HMG20A: variants seen among roughly 807,000 people sequenced by gnomAD.
The protein encoded by HMG20A is high mobility group 20A.
Under a neutral mutation model 43.9 loss-of-function variants are expected in HMG20A, and 17 were observed. The ratio of observed to expected loss-of-function variants is 0.39; its 90% CI spans 0.27 to 0.58. HMG20A has a LOEUF of 0.58. Among genes scored for constraint, HMG20A ranks in the 20% least tolerant of loss-of-function variants. The pLI is 0.59. For synonymous variants in HMG20A, 132 were observed against 147.5 expected (o/e 0.89, Z 0.76); for missense variants, 341 against 438.2 (o/e 0.78, Z 1.98).
intron 1 of HMG20A, among the ~76,000 whole-genome samples, chr15:77,445,032 T>C (rs547239594): frequency 2.0e-5 from 3 of 151,512 alleles, no homozygotes; most frequent in South Asian, 4.1e-4. Flanking sequence ...AAAATTTAAT[T>C]TGTAAGTCAG....
At chr15:77,487,627 T>C (rs1005885442), downstream of HMG20A, among the ~76,000 whole-genome samples, 1 of 152,176 alleles carries the variant, frequency 6.6e-6, no homozygotes, top group African/African-American at 2.4e-5. Context: ...TTTGTTCCCT[T>C]TCTCTAACTG....
At chr15:77,514,426 G>A in the HMG20A span, among the ~76,000 whole-genome samples, 28 of 152,212 alleles carry the variant, frequency 1.8e-4, no homozygotes, top group East Asian at 1.2e-3. Flanking sequence ...AGAAGATCTC[G>A]GAGATACTGA....
At chr15:77,514,799 G>A in the HMG20A span, among the ~76,000 whole-genome samples, 3 of 152,238 alleles carry the variant, frequency 2.0e-5, no homozygotes, top group Non-Finnish European at 2.9e-5. Context: ...GCAGCTTAGA[G>A]GGGCCCGAGT....
At chr15:77,496,731 G>A in the HMG20A span, among the ~76,000 whole-genome samples, 1 of 152,268 alleles carries the variant, frequency 6.6e-6, no homozygotes, top group East Asian at 1.9e-4. Flanking sequence ...CCCGCCAAGC[G>A]CTCCACCGAG....
At chr15:77,481,512 G>A (rs1258793336) in intron 9 of HMG20A, among the ~76,000 whole-genome samples, 1 of 152,146 alleles carries the variant, frequency 6.6e-6, no homozygotes, top group Non-Finnish European at 1.5e-5. Context: ...TAGATACAGG[G>A]CAGCTAATTA....
downstream of HMG20A, among the ~76,000 whole-genome samples, chr15:77,487,277 A>G (rs560960977): frequency 6.6e-6 from 1 of 152,174 alleles, no homozygotes; most frequent in Non-Finnish European, 1.5e-5. Context: ...GTGCCCAACA[A>G]TACAGGTTTT....
the HMG20A span, among the ~76,000 whole-genome samples, chr15:77,497,376 G>A: frequency 6.6e-6 from 1 of 152,242 alleles, no homozygotes; most frequent in Admixed American, 6.5e-5. Context: ...CTGCTGATTA[G>A]CAGCCCTCGG....
chr15:77,421,773 G>A (rs142260682), intron 1 of HMG20A, among the ~76,000 whole-genome samples: 4 of 152,318 alleles, frequency 2.6e-5, no homozygotes, highest in African/African-American at 4.8e-5. Context: ...TGGGCTACAG[G>A]TTTTGCCCTG....
the HMG20A span, among the ~76,000 whole-genome samples, chr15:77,514,853 G>A: frequency 7.9e-5 from 12 of 152,302 alleles, no homozygotes; most frequent in South Asian, 1.9e-3. Flanking sequence ...GTCCCAGCTC[G>A]GGGTGGCGGT....
intron 1 of HMG20A, among the ~76,000 whole-genome samples, chr15:77,442,578 C>T (rs1427786877): frequency 6.6e-6 from 1 of 152,208 alleles, no homozygotes; most frequent in Non-Finnish European, 1.5e-5. Flanking sequence ...TGTGCCCTTA[C>T]TCTCCCTGCT....
intron 1 of HMG20A, among the ~76,000 whole-genome samples, chr15:77,428,549 CAA>C (rs2073449956): frequency 6.6e-6 from 1 of 152,288 alleles, no homozygotes; most frequent in African/African-American, 2.4e-5. Context: ...ACTCACAAAA[CAA>C]ATTTAATATC....
At chr15:77,456,017 G>A (rs2072650887) in intron 1 of HMG20A, among the ~76,000 whole-genome samples, 1 of 151,886 alleles carries the variant, frequency 6.6e-6, no homozygotes, top group Non-Finnish European at 1.5e-5. Flanking sequence ...CATTTCTTAG[G>A]GACCTGACTA....
At chr15:77,441,828 C>T (rs530854957) in intron 1 of HMG20A, among the ~76,000 whole-genome samples, 1 of 152,214 alleles carries the variant, frequency 6.6e-6, no homozygotes, top group East Asian at 1.9e-4. Context: ...ACTAAACACC[C>T]AGGGCCAAAT....
At chr15:77,421,371 T>G (rs2073333663) in intron 1 of HMG20A, among the ~76,000 whole-genome samples, 1 of 152,252 alleles carries the variant, frequency 6.6e-6, no homozygotes, top group South Asian at 2.1e-4. Flanking sequence ...CAGTCAGAAT[T>G]TATGAGTTTG....
At chr15:77,444,703 A>G (rs1273927987) in intron 1 of HMG20A, among the ~76,000 whole-genome samples, 4 of 152,344 alleles carry the variant, frequency 2.6e-5, no homozygotes, top group Admixed American at 2.6e-4. Context: ...TAGAGCTTAA[A>G]TGTGTCAAAT....
chr15:77,465,229 C>A (rs1364837026), intron 3 of HMG20A, among the ~76,000 whole-genome samples: 22 of 133,124 alleles, frequency 1.7e-4, no homozygotes, highest in African/African-American at 5.9e-4. Flanking sequence ...CCACTGAACT[C>A]CAGCCTGGGC....
chr15:77,485,348 G>A lies in HMG20A; in HGVS notation c.*2385G>A, dbSNP rs1356758628. 1 of 152,638 alleles carries A rather than the reference G, an allele frequency of 6.6e-6. No homozygotes were observed. Among genetic ancestry groups the A allele is most frequent in the East Asian group, 1.9e-4 (1 of 5,200 alleles). The allele number at this position is 152,638 out of a possible 1,614,324, so 9.5% of individuals were successfully genotyped here. On this transcript the variant is annotated 3_prime_UTR_variant, in exon 10 of 10. Transcript: ENST00000336216. ...GTACTTTTATGTTCTCAAGAAATAA[G>A]TTGTTGCCTATTCAGTGTTACAGAT... is the stretch of plus-strand genomic sequence containing the variant.
At chr15:77,422,308 C>T (rs534198480) in intron 1 of HMG20A, among the ~76,000 whole-genome samples, 34 of 152,248 alleles carry the variant, frequency 2.2e-4, no homozygotes, top group African/African-American at 7.7e-4. Flanking sequence ...TCAGACTCTG[C>T]GATTATTTTA....
intron 1 of HMG20A, among the ~76,000 whole-genome samples, chr15:77,448,579 A>G (rs12917359): frequency 0.08 from 12,125 of 152,124 alleles, 595 homozygotes; most frequent in Non-Finnish European, 0.1. Flanking sequence ...ACTTCAAACT[A>G]TGTATCATTA....
Sources: allele counts gnomAD v4.1 joint callset (sites outside exome capture counted in the v4.1 genomes callset), GRCh38; gene constraint gnomAD v4.1.1; transcripts MANE v1.5; gene names NCBI Gene and HGNC (gene_info 2026-07-23, HGNC 2026-07-21).